The following GALNT18 variants were observed in gnomAD, a reference collection of about 807,000 sequenced individuals.
GALNT18 encodes the protein polypeptide N-acetylgalactosaminyltransferase 18.
GALNT18 carries 44 observed loss-of-function variants against 69.5 expected under a neutral mutation model. The observed-to-expected ratio is 0.63, with a 90% CI of 0.50 to 0.81. The LOEUF (loss-of-function observed/expected upper bound fraction) is 0.81, where lower values mean the gene tolerates loss of function less well. Ranked by LOEUF, GALNT18 falls within the 40% of genes least tolerant of loss-of-function variation. GALNT18 has a pLI of 0.00. For synonymous variants in GALNT18, 364 were observed against 318.2 expected (o/e 1.14, Z -1.53); for missense variants, 715 against 810.0 (o/e 0.88, Z 1.42).
intron 10 of GALNT18, among the ~76,000 whole-genome samples, chr11:11,292,005 A>G (rs1849308540): frequency 6.6e-6 from 1 of 152,102 alleles, no homozygotes. Flanking sequence ...CAGCTTCCAA[A>G]GCTCCTTGCA....
chr11:11,566,960 T>C (rs539131037), intron 1 of GALNT18, among the ~76,000 whole-genome samples: 2 of 152,256 alleles, frequency 1.3e-5, no homozygotes, highest in Admixed American at 6.5e-5. Context: ...GGAAAATGAG[T>C]GCAGCTTCCT....
At chr11:11,608,340 G>C (rs1042924035) in intron 1 of GALNT18, among the ~76,000 whole-genome samples, 2 of 152,006 alleles carry the variant, frequency 1.3e-5, no homozygotes, top group African/African-American at 4.8e-5. Flanking sequence ...ACAGGGTGGG[G>C]GTGCTCGCCT....
rs1156282008 is a variant in GALNT18 at position 11,320,672 on chromosome 11, G to T, written c.1512+6414C>A. 6.6e-6 allele frequency among the ~76,000 whole-genome samples: 1 copy of T among 152,166 alleles called. No homozygotes were observed. The highest frequency in any genetic ancestry group is 1.5e-5 in the Non-Finnish European group (1 of 68,028). On this transcript the variant is annotated intron_variant, in intron 9 of 10. Transcript: ENST00000227756. The surrounding 1 kb of genome is among the most constrained non-coding windows in gnomAD (Gnocchi z 4.9). ...CTGGAAGATGACTTTGGGAAGCCTT[G>T]CCAGACAGCAGCCCCTTACCTTTCA...
chr11:11,475,909 G>T (rs1489708979), intron 1 of GALNT18: 1 of 152,068 alleles, frequency 6.6e-6, no homozygotes, highest in Non-Finnish European at 1.5e-5. Flanking sequence ...GTCTACACAG[G>T]ATGAAACAAC....
rs79691014 is a variant in GALNT18, at chr11:11,416,389, C to A, written c.595+16232G>T. Among the ~76,000 whole-genome samples, 1,019 of 152,316 alleles carry A rather than the reference C, an allele frequency of 6.7e-3. 4 individuals are homozygous for A. The highest frequency in any genetic ancestry group is 0.011 in the Non-Finnish European group (750 of 68,028). Reference sequence around the variant, plus strand: ...TCCTTCAGTCAATTTCCTCCCGAGACCAGGGTCGGGACACCCTGCCAAGGA... The same window carrying A: ...TCCTTCAGTCAATTTCCTCCCGAGAACAGGGTCGGGACACCCTGCCAAGGA... On this transcript the variant is annotated intron_variant, in intron 3 of 10. Coordinates refer to ENST00000227756, the MANE Select transcript of GALNT18 (RefSeq NM_198516.3).
chr11:11,442,531 C>T (rs1855552903), intron 2 of GALNT18, among the ~76,000 whole-genome samples: 1 of 152,118 alleles, frequency 6.6e-6, no homozygotes, highest in African/African-American at 2.4e-5. Flanking sequence ...CAATCTTGCC[C>T]ACCGAACACT....
chr11:11,572,262 G>C (rs1250600249), intron 1 of GALNT18, among the ~76,000 whole-genome samples: 2 of 152,212 alleles, frequency 1.3e-5, no homozygotes, highest in Non-Finnish European at 2.9e-5. Flanking sequence ...ATCTAGAAGA[G>C]GGGTACACAA....
Position 11,318,150 on chromosome 11 carries a change from C to A in GALNT18, c.1512+8936G>T, listed in dbSNP as rs904814756. On this transcript the variant is annotated intron_variant, in intron 9 of 10. Coordinates refer to ENST00000227756, the MANE Select transcript of GALNT18 (RefSeq NM_198516.3). This position sits in a 1 kb window ranked among gnomAD's most constrained non-coding sequence, Gnocchi z 5.1. Reference sequence around the variant, plus strand: ...AATGAGAGAGGAAGTGATGGGAGACCCTTTTTGGCCTAGAAAGTGAGAGTC... The same window carrying A: ...AATGAGAGAGGAAGTGATGGGAGACACTTTTTGGCCTAGAAAGTGAGAGTC... 6.6e-6 allele frequency among the ~76,000 whole-genome samples: 1 copy of A among 152,136 alleles called. No homozygotes were observed.
rs570255153 is a variant in GALNT18, at chr11:11,315,809, C to A, written c.1512+11277G>T. Among the ~76,000 whole-genome samples, 1 of 152,012 alleles carries A rather than the reference C, an allele frequency of 6.6e-6. No individual in the cohort carries two copies. Among genetic ancestry groups the A allele is most frequent in the East Asian group, 1.9e-4 (1 of 5,136 alleles). On this transcript the variant is annotated intron_variant, in intron 9 of 10. Transcript: ENST00000227756. This position sits in a 1 kb window ranked among gnomAD's most constrained non-coding sequence, Gnocchi z 5.6. ...GCCTGGACCCCCAGCCCTTATCTGA[C>A]CTCATGTCCACACTCTTTCTACCAC...
chr11:11,476,140 T>A (rs931644902), intron 1 of GALNT18: 2 of 152,240 alleles, frequency 1.3e-5, no homozygotes, highest in African/African-American at 4.8e-5. Context: ...TATTTTTCCT[T>A]CATATCTTCC....
At chr11:11,275,415 C>T (rs967151270) in intron 10 of GALNT18, among the ~76,000 whole-genome samples, 5 of 152,086 alleles carry the variant, frequency 3.3e-5, no homozygotes, top group Admixed American at 1.3e-4. Context: ...TTTGTTTGTT[C>T]TTTGTAGATT....
At chr11:11,298,353 C>CT (rs1371215556) in intron 9 of GALNT18, among the ~76,000 whole-genome samples, 1 of 152,274 alleles carries the variant, frequency 6.6e-6, no homozygotes, top group African/African-American at 2.4e-5. Flanking sequence ...GATAAGGAAA[C>CT]TGAGGCTATG....
chr11:11,336,818 G>A (rs752683648), intron 7 of GALNT18, among the ~76,000 whole-genome samples: 11 of 152,100 alleles, frequency 7.2e-5, no homozygotes, highest in Non-Finnish European at 1.6e-4. Flanking sequence ...TCACACTCTC[G>A]GCCTGAAACG....
At chr11:11,549,143 A>G (rs1322583672) in intron 1 of GALNT18, among the ~76,000 whole-genome samples, 1 of 152,212 alleles carries the variant, frequency 6.6e-6, no homozygotes, top group Non-Finnish European at 1.5e-5. Flanking sequence ...CCTGCTGGCT[A>G]GAATGCACAC....
intron 1 of GALNT18, among the ~76,000 whole-genome samples, chr11:11,549,059 T>C (rs1432055096): frequency 2.0e-5 from 3 of 152,246 alleles, no homozygotes; most frequent in Non-Finnish European, 4.4e-5. Flanking sequence ...CAGTAGGGTA[T>C]AAGAGAAAGT....
At chr11:11,545,257 G>T (rs564922871) in intron 1 of GALNT18, among the ~76,000 whole-genome samples, 3 of 152,238 alleles carry the variant, frequency 2.0e-5, no homozygotes, top group Non-Finnish European at 4.4e-5. Flanking sequence ...CTTTGAATGC[G>T]CTTTCATAAA....
chr11:11,571,311 A>G (rs1373303560), intron 1 of GALNT18, among the ~76,000 whole-genome samples: 1 of 152,238 alleles, frequency 6.6e-6, no homozygotes, highest in African/African-American at 2.4e-5. Context: ...ATGTCTTTGG[A>G]GAATCAACCC....
At chr11:11,302,405 G>T (rs1849513055) in intron 9 of GALNT18, among the ~76,000 whole-genome samples, 1 of 152,130 alleles carries the variant, frequency 6.6e-6, no homozygotes, top group African/African-American at 2.4e-5. Flanking sequence ...TCCTGATCTA[G>T]GCCTTAGCCC....
chr11:11,441,533 C>A (rs1383353830), intron 2 of GALNT18, among the ~76,000 whole-genome samples: 1 of 152,172 alleles, frequency 6.6e-6, no homozygotes, highest in Non-Finnish European at 1.5e-5. Context: ...CACATAGCGC[C>A]TGTGGGAATT....
Sources: allele counts gnomAD v4.1 joint callset (sites outside exome capture counted in the v4.1 genomes callset), GRCh38; gene constraint gnomAD v4.1.1; non-coding constraint Gnocchi (gnomAD v3.1); transcripts MANE v1.5; gene names NCBI Gene and HGNC (gene_info 2026-07-23, HGNC 2026-07-21).